CCDC120: variants seen among roughly 807,000 people sequenced by gnomAD.
The protein encoded by CCDC120 is coiled-coil domain containing 120.
CCDC120 carries 16 observed loss-of-function variants against 37.6 expected under a neutral mutation model. That is an observed-to-expected ratio of 0.43 (90% CI 0.29 to 0.65). The LOEUF is 0.65. Among genes scored for constraint, CCDC120 ranks in the 30% least tolerant of loss-of-function variants. CCDC120 has a pLI of 0.18. For synonymous variants in CCDC120, 309 were observed against 275.4 expected (o/e 1.12, Z -1.21); for missense variants, 650 against 657.4 (o/e 0.99, Z 0.12).
At position 49,068,606 on chromosome X, in the gene CCDC120, A is replaced by G; in HGVS notation, c.2039A>G (p.Glu680Gly). 4 of 1,157,310 alleles carry G rather than the reference A, an allele frequency of 3.5e-6. No homozygotes were observed. Among genetic ancestry groups the G allele is most frequent in the Non-Finnish European group, 4.6e-6 (4 of 867,879 alleles). ...GCTCGTTTAAGTGACCTGACGCTAG[A>G]GGGGGAGCAGTCCTCCAGTTCTGAC... is the stretch of plus-strand genomic sequence containing the variant. The part of the protein sequence containing the change: ...LSARLSDLTL[E>G]GEQSSSSDTQ... The change falls in exon 11 of 11, where the codon GAG becomes GGG. Residue 680 changes from glutamate to glycine, a missense_variant. Glu to Gly is a moderately conservative substitution (Grantham distance 98, BLOSUM62 -2). Around this residue, in one of 3 missense-constraint regions of CCDC120, gnomAD observed 576 missense variants for 565.3 expected, o/e 1.02. Transcript: ENST00000603986.
At chrX:49,065,665 G>C in intron 8 of CCDC120, 37 bp downstream of exon 8, 1 of 1,203,933 alleles carries the variant, frequency 8.3e-7, no homozygotes, top group Non-Finnish European at 1.1e-6. Flanking sequence ...GCAGGAGCTG[G>C]GAATGGGATA....
At position 49,068,996 on chromosome X, in the gene CCDC120, G is replaced by A; in HGVS notation, c.*338G>A. ...CTAGGCGTTTTACAAAAGGGAAACT[G>A]TGATCTCATCTGGTTGGGTTCATTC... On this transcript the variant is annotated 3_prime_UTR_variant, in exon 11 of 11. Transcript: ENST00000603986. 1 of 154,869 alleles carries A rather than the reference G, an allele frequency of 6.5e-6. No homozygotes were observed. The highest frequency in any genetic ancestry group is 1.3e-5 in the Non-Finnish European group (1 of 79,782). The allele number at this position is 154,869 out of a possible 1,213,427, so 12.8% of individuals were successfully genotyped here.
chrX:49,063,372 A>G (rs782811415), intron 4 of CCDC120, among the ~76,000 whole-genome samples: 3 of 109,976 alleles, frequency 2.7e-5, no homozygotes, highest in African/African-American at 9.9e-5. Context: ...AAAATATGGT[A>G]ATACAGGCCC....
upstream of CCDC120, chrX:49,058,965 C>T (rs2064850887): frequency 8.9e-6 from 1 of 112,564 alleles, no homozygotes; most frequent in Admixed American, 9.4e-5. Context: ...TAGGCTGGGC[C>T]ATTACCTAGT....
At position 49,067,482 on chromosome X, in the gene CCDC120, C is replaced by T; in HGVS notation, c.1368C>T (p.Ala456=). 8.5e-7 allele frequency: 1 copy of T among 1,176,471 alleles called. No homozygotes were observed. The highest frequency in any genetic ancestry group is 1.1e-6 in the Non-Finnish European group (1 of 876,878). Residue 456 remains alanine, a synonymous_variant, in exon 10 of 11, where the codon GCC becomes GCT. Coordinates refer to ENST00000603986, the MANE Select transcript of CCDC120 (RefSeq NM_001163321.4). ...TAGPPDPPRA[A]RPSSAAPASR... ...GCCCCCCAGACCCTCCCCGGGCCGC[C>T]CGGCCTAGCTCAGCTGCCCCTGCCT... is the stretch of plus-strand genomic sequence containing the variant.
chrX:49,066,863 G>A (rs1602526558), intron 9 of CCDC120: 1 of 283,192 alleles, frequency 3.5e-6, no homozygotes, highest in Non-Finnish European at 6.2e-6. Context: ...GCTGGATTAG[G>A]AACAGCCCCC....
chrX:49,063,762 A>G lies in CCDC120; in HGVS notation c.289-99A>G. On this transcript the variant is annotated intron_variant, in intron 4 of 10. Coordinates refer to ENST00000603986, the MANE Select transcript of CCDC120 (RefSeq NM_001163321.4). ...TCGTGCGTGGTTGCTGAGCAGGGCC[A>G]GGCTCCTGGTAGGACTTCTGTAGCT... The G allele has an allele frequency of 5.2e-6, 5 of 960,577 alleles. No homozygotes were observed. The South Asian group carries it at 1.0e-4, about 19-fold the overall frequency. The allele number at this position is 960,577 out of a possible 1,213,427, so 79.2% of individuals were successfully genotyped here. A position where few individuals can be genotyped will look rare whatever the true frequency, so the allele number is the denominator to read the frequency against.
chrX:49,062,592 C>G lies in CCDC120; in HGVS notation c.279C>G (p.Leu93=). ...TTCAGGAGCTCCGCAAAGTGTGTCT[C>G]CAGGAGGCGGTGAGGGCCTGGCCCT... ...LKLQELRKVC[L]QEAELTGQLP... is the part of the protein sequence containing the mutation. Residue 93 remains leucine (L), a synonymous_variant, in exon 4 of 11, where the codon CTC becomes CTG. Coordinates refer to ENST00000603986, the MANE Select transcript of CCDC120 (RefSeq NM_001163321.4). 1 of 1,208,751 alleles carries G rather than the reference C, an allele frequency of 8.3e-7. No individual in the cohort carries two copies. Among genetic ancestry groups the G allele is most frequent in the Non-Finnish European group, 1.1e-6 (1 of 894,639 alleles).
chrX:49,057,066 C>T (rs1377151312), upstream of CCDC120, among the ~76,000 whole-genome samples: 7 of 111,598 alleles, frequency 6.3e-5, no homozygotes, highest in East Asian at 1.7e-3. Context: ...AGCAGGGTCA[C>T]GTGAGGCCCA....
chrX:49,068,245 T>C lies in CCDC120; in HGVS notation c.1976+155T>C. On this transcript the variant is annotated intron_variant, in intron 10 of 10. Coordinates refer to ENST00000603986, the MANE Select transcript of CCDC120 (RefSeq NM_001163321.4). ...CAGGGTCACTCTACTGCACATGACC[T>C]GCATTAGTCCATGGGGTCCTGGTGG... 8.3e-6 allele frequency: 9 copies of C among 1,088,195 alleles called. No homozygotes were observed. In the South Asian group the frequency reaches 2.2e-4, roughly 26 times the overall value. 89.7% of individuals were successfully genotyped at this position (1,088,195 alleles called of 1,213,427 possible).
chrX:49,056,281 G>A (rs781996257), upstream of CCDC120, among the ~76,000 whole-genome samples: 1 of 110,669 alleles, frequency 9.0e-6, no homozygotes, highest in East Asian at 2.8e-4. Flanking sequence ...GGAGGGTACC[G>A]TGTCTAGATA....
chrX:49,060,947 GATA>G (rs1557079336), intron 1 of CCDC120, among the ~76,000 whole-genome samples: 1 of 111,637 alleles, frequency 9.0e-6, no homozygotes, highest in African/African-American at 3.3e-5. Flanking sequence ...CAAGGTAGGT[GATA>G]ATGGAGCTCT....
In CCDC120 at chrX:49,062,519, G is replaced by T. The variant is rs782550931; in HGVS notation, c.206G>T (p.Gly69Val). 13 of 1,211,895 alleles carry T rather than the reference G, an allele frequency of 1.1e-5. No homozygotes were observed. The highest frequency in any genetic ancestry group is 1.5e-5 in the Non-Finnish European group (13 of 895,528). The change falls in exon 4 of 11, where the codon GGG becomes GTG. Residue 69 changes from glycine (G) to valine (V), a missense_variant. By Grantham distance (109) the Gly-to-Val change is moderately radical. Around this residue, in one of 3 missense-constraint regions of CCDC120, gnomAD observed 64 missense variants for 65.2 expected, o/e 0.98. Coordinates refer to ENST00000603986, the MANE Select transcript of CCDC120 (RefSeq NM_001163321.4). The part of the protein sequence containing the change: ...APQVKSERLR[G>V]LLDRQRTLQE... ...CAGGTGAAGTCAGAGCGTCTGCGGG[G>T]GCTGCTTGACCGGCAGCGGACCCTG... is the stretch of plus-strand genomic sequence containing the variant.
intron 10 of CCDC120, 197 bp from the exon 11 acceptor site, chrX:49,068,347 G>T: frequency 2.8e-6 from 3 of 1,062,129 alleles, no homozygotes; most frequent in Non-Finnish European, 3.6e-6. Flanking sequence ...CCAGGGTGCC[G>T]GGAGGAAGGG....
rs1404730758 is a variant in CCDC120 at position 49,064,959 on chromosome X, G to A, written c.725-77G>A. The A allele has an allele frequency of 8.7e-6, 9 of 1,038,499 alleles. No homozygotes were observed. In the East Asian group the frequency reaches 2.8e-4, roughly 32 times the overall value. The allele number at this position is 1,038,499 out of a possible 1,213,427, so 85.6% of individuals were successfully genotyped here. On this transcript the variant is annotated intron_variant, in intron 6 of 10. Coordinates refer to ENST00000603986, the MANE Select transcript of CCDC120 (RefSeq NM_001163321.4). ...TGGCCAGAAGGTGGCCCAAGTAGAG[G>A]TGCCCACCCAGTGGTGTAAGGGGGC...
At position 49,063,856 on chromosome X, in the gene CCDC120, A is replaced by G; in HGVS notation, c.289-5A>G. 4 of 1,201,775 alleles carry G rather than the reference A, an allele frequency of 3.3e-6. No homozygotes were observed. The highest frequency in any genetic ancestry group is 4.5e-6 in the Non-Finnish European group (4 of 890,392). On this transcript the variant is annotated splice_polypyrimidine_tract_variant and splice_region_variant and intron_variant, in intron 4 of 10. Coordinates refer to ENST00000603986, the MANE Select transcript of CCDC120 (RefSeq NM_001163321.4). ...TGGTAGTCTCTGACCCCTGCCTCCC[A>G]CCAGGAGCTGACTGGCCAGCTGCCC...
intron 6 of CCDC120, 103 bp downstream of exon 6, chrX:49,064,767 T>A: frequency 1.1e-6 from 1 of 949,622 alleles, no homozygotes; most frequent in South Asian, 2.5e-5. Context: ...TAGGCACAAC[T>A]CAAGTGGCCC....
intron 7 of CCDC120, 32 bp downstream of exon 7, chrX:49,065,130 G>A (rs781932488): frequency 2.0e-5 from 24 of 1,174,623 alleles, no homozygotes; most frequent in South Asian, 3.6e-5. Flanking sequence ...ACCTGCCCCC[G>A]ACTCCTACGT....
chrX:49,067,666 A>G lies in CCDC120; in HGVS notation c.1552A>G (p.Thr518Ala). 8.3e-7 allele frequency: 1 copy of G among 1,202,095 alleles called. No individual in the cohort carries two copies. The highest frequency in any genetic ancestry group is 1.1e-6 in the Non-Finnish European group (1 of 889,505). Reference sequence around the variant, plus strand: ...CCTCTCCCGCCGGGATGGGCTCCTCACCATGCTCCCCGGCCCACCACCTGT... The same window carrying G: ...CCTCTCCCGCCGGGATGGGCTCCTCGCCATGCTCCCCGGCCCACCACCTGT... ...GPLSRRDGLL[T>A]MLPGPPPVYA... Residue 518 changes from threonine (T) to alanine (A), a missense_variant, in exon 10 of 11, where the codon ACC becomes GCC. By Grantham distance (58) the Thr-to-Ala change is moderately conservative (BLOSUM62 0). Coordinates refer to ENST00000603986, the MANE Select transcript of CCDC120 (RefSeq NM_001163321.4).
Sources: gnomAD v4.1 joint callset for allele counts (sites outside exome capture counted in the v4.1 genomes callset) on GRCh38, gnomAD v4.1.1 for gene constraint, gnomAD v4.1.1 regional missense constraint, MANE v1.5 for transcripts, NCBI Gene and HGNC (gene_info 2026-07-23, HGNC 2026-07-21) for gene names.